Variants in PACRGL observed in about 807,000 individuals in gnomAD.
The protein encoded by PACRGL is PACRG-like protein.
A neutral mutation model predicts 34.5 loss-of-function variants in PACRGL; 38 were observed. The ratio of observed to expected loss-of-function variants is 1.10; its 90% CI spans 0.85 to 1.44. The LOEUF (loss-of-function observed/expected upper bound fraction) is 1.44. Among genes scored for constraint, PACRGL ranks in the 40% most tolerant of loss-of-function variants. The pLI, the probability that PACRGL is intolerant of heterozygous loss-of-function variation, is 0.00. For missense variants in PACRGL, 305 were observed against 281.4 expected (o/e 1.08, Z -0.60); for synonymous variants, 128 against 100.1 (o/e 1.28, Z -1.66).
intron 4 of PACRGL, among the ~76,000 whole-genome samples, chr4:20,709,074 G>A (rs1034690031): frequency 1.3e-5 from 2 of 152,170 alleles, no homozygotes; most frequent in African/African-American, 4.8e-5. Context: ...GGGAGGCGGA[G>A]GTTGCGGTGA....
At chr4:20,759,236 T>C in the PACRGL span, among the ~76,000 whole-genome samples, 359 of 151,746 alleles carry the variant, frequency 2.4e-3, 8 homozygotes, top group South Asian at 0.047. Context: ...GTTTATAATA[T>C]AGTCTTTGGT....
chr4:20,707,588 G>A (rs575009797), intron 3 of PACRGL, among the ~76,000 whole-genome samples: 2 of 149,238 alleles, frequency 1.3e-5, no homozygotes, highest in South Asian at 2.2e-4. Context: ...GGTTTCAGCC[G>A]CGTTCAAGCA....
In PACRGL at chr4:20,709,764, T is replaced by A. The variant is rs778131432; in HGVS notation, c.357T>A (p.Thr119=). The change falls in exon 5 of 9, where the codon ACT becomes ACA. Residue 119 remains threonine, a synonymous_variant. Coordinates refer to ENST00000503585, the MANE Select transcript of PACRGL (RefSeq NM_001258345.3). ...TTTCATTTGATCCACTTCTTATTAC[T>A]TTAGCTGAGGTAAATATGCCATCTC... ...ESLSFDPLLI[T]LAEGLRETKH... 5.6e-6 allele frequency: 9 copies of A among 1,595,846 alleles called. No individual in the cohort carries two copies. Among genetic ancestry groups the A allele is most frequent in the Non-Finnish European group, 7.7e-6 (9 of 1,164,214 alleles).
chr4:20,748,560 T>TTATATATATATA (rs3075750), intron 8 of PACRGL, among the ~76,000 whole-genome samples: 18 of 64,894 alleles, frequency 2.8e-4, no homozygotes, highest in Non-Finnish European at 3.8e-4. Context: ...CTTCCAAATT[T>TTATATATATATA]TATATATATA....
Position 20,731,492 on chromosome 4 carries a change from A to G in PACRGL, c.*4151A>G, listed in dbSNP as rs1435238231. ...GAGTTCTCTTCAGAGAAAATTTTCC[A>G]CTGTTTATTTTTTGTGACTGAAGAC... On this transcript the variant is annotated 3_prime_UTR_variant, in exon 9 of 9. Coordinates refer to ENST00000503585, the MANE Select transcript of PACRGL (RefSeq NM_001258345.3). 3.0e-6 allele frequency: 3 copies of G among 984,954 alleles called. No homozygotes were observed. The highest frequency in any genetic ancestry group is 3.6e-6 in the Non-Finnish European group (3 of 829,716). The allele number at this position is 984,954 out of a possible 1,614,324, so 61.0% of individuals were successfully genotyped here.
chr4:20,699,234 T>TA (rs975834683), upstream of PACRGL, among the ~76,000 whole-genome samples: 52 of 146,788 alleles, frequency 3.5e-4, no homozygotes, highest in Non-Finnish European at 6.2e-4. Context: ...TTTTTTTTTT[T>TA]AAAAATTTCT....
intron 8 of PACRGL, among the ~76,000 whole-genome samples, chr4:20,743,643 A>G (rs913778454): frequency 2.6e-5 from 4 of 152,208 alleles, no homozygotes; most frequent in South Asian, 4.1e-4. Context: ...AGACTTAAAC[A>G]TTAGACCTAA....
rs745514653 is a variant in PACRGL at position 20,732,045 on chromosome 4, C to A, written c.*4704C>A. 4.3e-6 allele frequency: 7 copies of A among 1,612,372 alleles called. No homozygotes were observed. The highest frequency in any genetic ancestry group is 5.9e-6 in the Non-Finnish European group (7 of 1,179,438). On this transcript the variant is annotated 3_prime_UTR_variant, in exon 9 of 9. Coordinates refer to ENST00000503585, the MANE Select transcript of PACRGL (RefSeq NM_001258345.3). ...CAATGAACTCATCTATGGTAACAAC[C>A]CCATCTTTATTTTTGTCCATTTTCT... is the stretch of plus-strand genomic sequence containing the variant.
At chr4:20,745,346 A>G (rs951457250) in intron 8 of PACRGL, among the ~76,000 whole-genome samples, 7 of 152,200 alleles carry the variant, frequency 4.6e-5, no homozygotes, top group African/African-American at 1.7e-4. Flanking sequence ...AAAGATAGCT[A>G]TGGTCTTAGA....
upstream of PACRGL, among the ~76,000 whole-genome samples, chr4:20,699,366 CTT>C (rs972367505): frequency 2.4e-4 from 36 of 152,058 alleles, no homozygotes; most frequent in African/African-American, 7.2e-4. Context: ...AATTTTAAAA[CTT>C]AGATTTGTAT....
In PACRGL at chr4:20,730,199, G is replaced by A; in HGVS notation, c.*2858G>A. On this transcript the variant is annotated 3_prime_UTR_variant, in exon 9 of 9. Coordinates refer to ENST00000503585, the MANE Select transcript of PACRGL (RefSeq NM_001258345.3). ...AGGAAAAGTACACTATTTTGCCCCT[G>A]AGTATTGCCTCCTCCCATCAACCAC... is the stretch of plus-strand genomic sequence containing the variant. 6.6e-7 allele frequency: 1 copy of A among 1,510,758 alleles called. No individual in the cohort carries two copies. Among genetic ancestry groups the A allele is most frequent in the South Asian group, 1.4e-5 (1 of 74,006 alleles). 93.6% of individuals were successfully genotyped at this position (1,510,758 alleles called of 1,614,324 possible). A position where few individuals can be genotyped will look rare whatever the true frequency, so the allele number is the denominator to read the frequency against.
At position 20,724,788 on chromosome 4, in the gene PACRGL, C is replaced by T. The variant is rs749912655; in HGVS notation, c.610-20C>T. On this transcript the variant is annotated intron_variant, in intron 7 of 8. Transcript: ENST00000503585. Reference sequence around the variant, plus strand: ...TTAAGTTTAAAGTCATTTCGTTTCCCCCTAATCTTACTTTAAAAGCTTTCC... The same window carrying T: ...TTAAGTTTAAAGTCATTTCGTTTCCTCCTAATCTTACTTTAAAAGCTTTCC... 1 of 1,405,048 alleles carries T rather than the reference C, an allele frequency of 7.1e-7. No homozygotes were observed. The highest frequency in any genetic ancestry group is 1.5e-5 in the South Asian group (1 of 68,444). The allele number at this position is 1,405,048 out of a possible 1,614,324, so 87.0% of individuals were successfully genotyped here. A position where few individuals can be genotyped will look rare whatever the true frequency, so the allele number is the denominator to read the frequency against.
At chr4:20,704,946 G>T in intron 3 of PACRGL, 132 bp downstream of exon 3, 1 of 1,014,824 alleles carries the variant, frequency 9.9e-7, no homozygotes, top group Non-Finnish European at 1.5e-6. Flanking sequence ...AGGGCATGTG[G>T]TTATTATGAT....
chr4:20,757,513 C>T (rs1444327878), downstream of PACRGL, among the ~76,000 whole-genome samples: 1 of 152,116 alleles, frequency 6.6e-6, no homozygotes, highest in African/African-American at 2.4e-5. Flanking sequence ...GGACATTTCA[C>T]CCTCCATTGT....
chr4:20,737,342 A>C (rs1749859359), downstream of PACRGL, among the ~76,000 whole-genome samples: 1 of 152,192 alleles, frequency 6.6e-6, no homozygotes, highest in Non-Finnish European at 1.5e-5. Flanking sequence ...CATGGAGGTC[A>C]CCAGCAAGTG....
rs916330187 is a variant in PACRGL, at chr4:20,700,762, G to A, written c.-42G>A. 6.6e-6 allele frequency: 1 copy of A among 152,134 alleles called. No homozygotes were observed. The highest frequency in any genetic ancestry group is 2.4e-5 in the African/African-American group (1 of 41,428). The allele number at this position is 152,134 out of a possible 1,614,324, so 9.4% of individuals were successfully genotyped here. A position where few individuals can be genotyped will look rare whatever the true frequency, so the allele number is the denominator to read the frequency against. Reference sequence around the variant, plus strand: ...TGGGGTAGAGGGTCAGTCGAGAGTAGCCTTCGTTAACCTTAATTGAAACTG... The same window carrying A: ...TGGGGTAGAGGGTCAGTCGAGAGTAACCTTCGTTAACCTTAATTGAAACTG... On this transcript the variant is annotated 5_prime_UTR_variant, in exon 1 of 9. Transcript: ENST00000503585.
At chr4:20,713,250 C>T in intron 6 of PACRGL, 182 bp from the exon 7 acceptor site, 5 of 582,696 alleles carry the variant, frequency 8.6e-6, no homozygotes, top group East Asian at 2.9e-5. Context: ...TTTTTTGCTT[C>T]TAGATGTCCT....
At chr4:20,746,115 T>G (rs1022139969) in intron 8 of PACRGL, among the ~76,000 whole-genome samples, 1 of 152,116 alleles carries the variant, frequency 6.6e-6, no homozygotes, top group African/African-American at 2.4e-5. Flanking sequence ...TAGCAAAGAC[T>G]TGGAACCAAC....
chr4:20,761,909 C>T, the PACRGL span, among the ~76,000 whole-genome samples: 18 of 152,252 alleles, frequency 1.2e-4, no homozygotes, highest in Non-Finnish European at 2.2e-4. Flanking sequence ...TACATCTCTA[C>T]AAACACATAC....
Sources: gnomAD v4.1 joint callset for allele counts (sites outside exome capture counted in the v4.1 genomes callset) on GRCh38, gnomAD v4.1.1 for gene constraint, MANE v1.5 for transcripts, NCBI Gene and HGNC (gene_info 2026-07-23, HGNC 2026-07-21) for gene names.